The following ZNF385D variants were observed in gnomAD, a reference collection of about 807,000 sequenced individuals.
ZNF385D encodes the protein zinc finger protein 385D.
A neutral mutation model predicts 35.8 loss-of-function variants in ZNF385D; 15 were observed. The ratio of observed to expected loss-of-function variants is 0.42; its 90% CI spans 0.28 to 0.64. The LOEUF (loss-of-function observed/expected upper bound fraction) is 0.64, where lower values mean the gene tolerates loss of function less well. Among genes scored for constraint, ZNF385D ranks in the 30% least tolerant of loss-of-function variants. The probability of loss-of-function intolerance (pLI) is 0.23; values close to 1 mark genes in which losing one functional copy is unlikely to be tolerated. For missense variants in ZNF385D, 474 were observed against 494.6 expected, an observed-to-expected ratio of 0.96 and a Z score of 0.39; for synonymous variants, 212 against 186.8, an observed-to-expected ratio of 1.13 and a Z score of -1.10.
chr3:21,565,779 T>G (rs116472346), intron 2 of ZNF385D, among the ~76,000 whole-genome samples: 28 of 152,302 alleles, frequency 1.8e-4, no homozygotes, highest in African/African-American at 6.5e-4. Flanking sequence ...TTTCAAATGA[T>G]GAGATAAAAG....
intron 4 of ZNF385D, among the ~76,000 whole-genome samples, chr3:21,508,072 C>A (rs1706918089): frequency 6.6e-6 from 1 of 152,010 alleles, no homozygotes; most frequent in Non-Finnish European, 1.5e-5. Flanking sequence ...AAAGCAATGT[C>A]TTTCCTAATG....
chr3:22,159,857 G>C (rs995031631), intron 3 of ZNF385D, among the ~76,000 whole-genome samples: 1 of 152,002 alleles, frequency 6.6e-6, no homozygotes, highest in Non-Finnish European at 1.5e-5. Flanking sequence ...GAAGGATATG[G>C]TCGGTAAGAG....
chr3:22,038,298 T>A (rs1194886947), intron 3 of ZNF385D, among the ~76,000 whole-genome samples: 1 of 152,174 alleles, frequency 6.6e-6, no homozygotes, highest in Non-Finnish European at 1.5e-5. Flanking sequence ...AAACTATAAA[T>A]TGGGACTACT....
At chr3:22,306,383 G>A (rs1023203433) in intron 2 of ZNF385D, among the ~76,000 whole-genome samples, 5 of 151,358 alleles carry the variant, frequency 3.3e-5, no homozygotes, top group African/African-American at 1.2e-4. Context: ...TACTTCATTT[G>A]TTTTCCTCCA....
chr3:21,936,253 CAT>C (rs1419026959), intron 3 of ZNF385D, among the ~76,000 whole-genome samples: 2 of 152,026 alleles, frequency 1.3e-5, no homozygotes, highest in Admixed American at 6.6e-5. Flanking sequence ...AGGGAGATGA[CAT>C]AGAGTTTAAA....
At chr3:22,317,206 G>A (rs1371387030) in intron 2 of ZNF385D, among the ~76,000 whole-genome samples, 3 of 134,948 alleles carry the variant, frequency 2.2e-5, no homozygotes, top group Non-Finnish European at 4.6e-5. Flanking sequence ...GAACCTGGGA[G>A]GCAGAGGTTG....
chr3:21,429,674 C>A (rs1432836386), intron 5 of ZNF385D, among the ~76,000 whole-genome samples: 1 of 152,148 alleles, frequency 6.6e-6, no homozygotes, highest in African/African-American at 2.4e-5. Flanking sequence ...GAGGGGTTTA[C>A]TTTATAGGGA....
intron 3 of ZNF385D, among the ~76,000 whole-genome samples, chr3:21,831,356 G>A (rs1308491466): frequency 6.6e-6 from 1 of 152,090 alleles, no homozygotes; most frequent in Non-Finnish European, 1.5e-5. Context: ...ATTGTGGCAA[G>A]AACATAGTAG....
chr3:21,419,316 A>G lies in ZNF385D; in HGVS notation c.*1898T>C, dbSNP rs769934038. 14 of 152,004 alleles carry G rather than the reference A, an allele frequency of 9.2e-5. No individual in the cohort carries two copies. Among genetic ancestry groups the G allele is most frequent in the Non-Finnish European group, 1.9e-4 (13 of 67,992 alleles). The allele number at this position is 152,004 out of a possible 1,614,324, so 9.4% of individuals were successfully genotyped here. A position where few individuals can be genotyped will look rare whatever the true frequency, so the allele number is the denominator to read the frequency against. On this transcript the variant is annotated 3_prime_UTR_variant, in exon 8 of 8. Transcript: ENST00000281523. ...ACTGCTTTAAAGATTCATTTATATG[A>G]CAAATTTCTATAGCTAGATGGTGGA...
At chr3:22,017,945 A>G (rs1337965190) in intron 3 of ZNF385D, among the ~76,000 whole-genome samples, 2 of 151,964 alleles carry the variant, frequency 1.3e-5, no homozygotes, top group Non-Finnish European at 2.9e-5. Flanking sequence ...TATTTCTTAC[A>G]GTGAAGTTCT....
At chr3:21,879,011 C>G (rs371218479) in intron 3 of ZNF385D, among the ~76,000 whole-genome samples, 1 of 151,946 alleles carries the variant, frequency 6.6e-6, no homozygotes, top group African/African-American at 2.4e-5. Flanking sequence ...AACAGTAGTT[C>G]TCTTGTGATA....
At chr3:21,730,675 C>T (rs532131341) in intron 1 of ZNF385D, among the ~76,000 whole-genome samples, 1 of 152,222 alleles carries the variant, frequency 6.6e-6, no homozygotes, top group Non-Finnish European at 1.5e-5. Context: ...GCTTCCAAGT[C>T]TAACAACTGC....
chr3:22,292,803 A>G (rs1196694124), intron 2 of ZNF385D, among the ~76,000 whole-genome samples: 2 of 152,168 alleles, frequency 1.3e-5, no homozygotes, highest in East Asian at 3.9e-4. Context: ...ATCTACTTAT[A>G]TTACTTTCTG....
chr3:21,932,169 A>C (rs1409907552), intron 3 of ZNF385D, among the ~76,000 whole-genome samples: 1 of 42,804 alleles, frequency 2.3e-5, no homozygotes, highest in Non-Finnish European at 5.2e-5. Context: ...TCATTCTCAA[A>C]AAAAAAAAAA....
At chr3:21,808,702 T>G (rs951531379) in intron 3 of ZNF385D, among the ~76,000 whole-genome samples, 1 of 152,262 alleles carries the variant, frequency 6.6e-6, no homozygotes, top group African/African-American at 2.4e-5. Flanking sequence ...GGGGAAGGGT[T>G]ATGGACAGGA....
At chr3:21,992,774 C>T (rs370057728) in intron 3 of ZNF385D, among the ~76,000 whole-genome samples, 1 of 152,104 alleles carries the variant, frequency 6.6e-6, no homozygotes, top group Non-Finnish European at 1.5e-5. Context: ...TTGATTTACT[C>T]TCTTCTGTCT....
chr3:22,210,102 C>T (rs570489341), intron 2 of ZNF385D, among the ~76,000 whole-genome samples: 1 of 151,574 alleles, frequency 6.6e-6, no homozygotes, highest in Non-Finnish European at 1.5e-5. Context: ...ACCATTTATA[C>T]CAGCCAAGTC....
intron 1 of ZNF385D, among the ~76,000 whole-genome samples, chr3:21,686,264 A>T (rs2125329130): frequency 6.6e-6 from 1 of 152,280 alleles, no homozygotes; most frequent in African/African-American, 2.4e-5. Flanking sequence ...CCAAATTGTT[A>T]TTGTGTTTGG....
intron 3 of ZNF385D, among the ~76,000 whole-genome samples, chr3:21,513,969 T>C (rs1310753379): frequency 6.6e-6 from 1 of 152,102 alleles, no homozygotes; most frequent in Non-Finnish European, 1.5e-5. Context: ...GACAAATAGA[T>C]TGAAGTAGAT....
Sources: allele counts gnomAD v4.1 joint callset (sites outside exome capture counted in the v4.1 genomes callset), GRCh38; gene constraint gnomAD v4.1.1; transcripts MANE v1.5; gene names NCBI Gene and HGNC (gene_info 2026-07-23, HGNC 2026-07-21).